The following CDK5RAP2 variants were observed in gnomAD, a reference collection of about 807,000 sequenced individuals.
CDK5RAP2 encodes the protein CDK5 regulatory subunit associated protein 2.
A neutral mutation model predicts 232.9 loss-of-function variants in CDK5RAP2; 147 were observed. The ratio of observed to expected loss-of-function variants is 0.63; its 90% CI spans 0.55 to 0.72. The LOEUF (loss-of-function observed/expected upper bound fraction) is 0.72. Ranked by LOEUF, CDK5RAP2 falls within the 30% of genes least tolerant of loss-of-function variation. The pLI, the probability that CDK5RAP2 is intolerant of heterozygous loss-of-function variation, is 0.00. For synonymous variants in CDK5RAP2, 833 were observed against 833.7 expected (o/e 1.00, Z 0.01); for missense variants, 2,195 against 2,231.5 (o/e 0.98, Z 0.33).
At chr9:120,422,877 A>C in intron 25 of CDK5RAP2, 136 bp from the exon 26 acceptor site, 1 of 712,472 alleles carries the variant, frequency 1.4e-6, no homozygotes, top group Middle Eastern at 2.8e-4. Context: ...GGATATTTAA[A>C]GTAGGATTAC....
At chr9:120,531,164 T>C (rs1706291234) in intron 7 of CDK5RAP2, among the ~76,000 whole-genome samples, 1 of 152,066 alleles carries the variant, frequency 6.6e-6, no homozygotes, top group African/African-American at 2.4e-5. Flanking sequence ...CTCCACTCAG[T>C]AGCCTCACTT....
At chr9:120,406,677 G>A in intron 32 of CDK5RAP2, 1 of 326,296 alleles carries the variant, frequency 3.1e-6, no homozygotes, top group Non-Finnish European at 5.7e-6. Flanking sequence ...CCCTTCTAAA[G>A]GCAGTAAGAG....
chr9:120,527,747 G>A, intron 10 of CDK5RAP2, 59 bp downstream of exon 10: 2 of 1,595,648 alleles, frequency 1.3e-6, no homozygotes, highest in East Asian at 2.2e-5. Flanking sequence ...TTCAGGGTAG[G>A]ACAGGCCAGT....
In CDK5RAP2 at chr9:120,394,593, A is replaced by G. The variant is rs1412909293; in HGVS notation, c.5497T>C (p.Phe1833Leu). Residue 1833 changes from phenylalanine to leucine, a missense_variant, in exon 36 of 38, where the codon TTT (phenylalanine) becomes CTT (leucine). By Grantham distance (22) the Phe-to-Leu change is conservative. Coordinates refer to ENST00000349780, the MANE Select transcript of CDK5RAP2 (RefSeq NM_018249.6). The part of the protein sequence containing the change: ...AEVTKLHKKL[F>L]EQEKKLQNTM... ...TTTTGCAACTTCTTTTCTTGTTCAA[A>G]CAATTTTTTATGTAGTTTGGTGACC... The G allele has an allele frequency of 6.2e-7, 1 of 1,614,184 alleles. No individual in the cohort carries two copies. The highest frequency in any genetic ancestry group is 1.1e-5 in the South Asian group (1 of 91,090).
rs904112256 is a variant in CDK5RAP2, at chr9:120,453,810, T to G, written c.2439A>C (p.Glu813Asp). 1.2e-6 allele frequency: 2 copies of G among 1,614,242 alleles called. No homozygotes were observed. The highest frequency in any genetic ancestry group is 1.7e-6 in the Non-Finnish European group (2 of 1,180,038). Residue 813 changes from glutamate (E) to aspartate (D), a missense_variant, in exon 21 of 38, where the codon GAA becomes GAC. Coordinates refer to ENST00000349780, the MANE Select transcript of CDK5RAP2 (RefSeq NM_018249.6). ...TACCATCAAGGTGTTCTCCAGAAAC[T>G]TCCTGCTCTGTCAAGAATAGTTGTC... Reference protein sequence around the residue: ...LLGQLFLTEQEVSGEHLDGKT... With the variant: ...LLGQLFLTEQDVSGEHLDGKT...
At chr9:120,564,495 A>G (rs1055072006) in intron 3 of CDK5RAP2, among the ~76,000 whole-genome samples, 1 of 149,016 alleles carries the variant, frequency 6.7e-6, no homozygotes, top group Admixed American at 6.7e-5. Flanking sequence ...GTCTCAAAAA[A>G]ATAAAAAAAT....
intron 3 of CDK5RAP2, among the ~76,000 whole-genome samples, chr9:120,560,804 AC>A (rs1194078553): frequency 6.6e-6 from 1 of 151,712 alleles, no homozygotes; most frequent in Non-Finnish European, 1.5e-5. Flanking sequence ...TTTAGTAGAG[AC>A]GGGGTTTCAC....
chr9:120,441,830 T>C (rs912521256), intron 23 of CDK5RAP2, among the ~76,000 whole-genome samples: 2 of 152,212 alleles, frequency 1.3e-5, no homozygotes, highest in African/African-American at 2.4e-5. Flanking sequence ...AATTACTCAA[T>C]AAGAGCCTTG....
intron 5 of CDK5RAP2, among the ~76,000 whole-genome samples, chr9:120,539,908 C>T (rs1189198877): frequency 6.6e-6 from 1 of 152,198 alleles, no homozygotes; most frequent in African/African-American, 2.4e-5. Context: ...GACAAACCAA[C>T]GTGCAAAGGA....
In CDK5RAP2 at chr9:120,403,176, G is replaced by T; in HGVS notation, c.5042-105C>A. ...TAGGAGGGCTAGAAGAGGCCCTCGT[G>T]CCCAAATGCCACCCAACACAAGCCC... On this transcript the variant is annotated intron_variant, in intron 33 of 37. Coordinates refer to ENST00000349780, the MANE Select transcript of CDK5RAP2 (RefSeq NM_018249.6). This position sits in a 1 kb window ranked among gnomAD's most constrained non-coding sequence, Gnocchi z 4.2. 2 of 1,155,588 alleles carry T rather than the reference G, an allele frequency of 1.7e-6. No homozygotes were observed. Among genetic ancestry groups the T allele is most frequent in the Non-Finnish European group, 2.6e-6 (2 of 783,966 alleles). The allele number at this position is 1,155,588 out of a possible 1,614,324, so 71.6% of individuals were successfully genotyped here. A position where few individuals can be genotyped will look rare whatever the true frequency, so the allele number is the denominator to read the frequency against.
chr9:120,554,017 T>A (rs888611597), intron 3 of CDK5RAP2, among the ~76,000 whole-genome samples: 2 of 152,206 alleles, frequency 1.3e-5, no homozygotes, highest in South Asian at 2.1e-4. Flanking sequence ...TTAAGTAAAT[T>A]ATAGTATGTT....
At chr9:120,455,113 G>A (rs1346952767) in intron 20 of CDK5RAP2, among the ~76,000 whole-genome samples, 2 of 152,148 alleles carry the variant, frequency 1.3e-5, no homozygotes, top group Non-Finnish European at 1.5e-5. Context: ...TGTCCCAGGA[G>A]GACATGGACT....
intron 7 of CDK5RAP2, among the ~76,000 whole-genome samples, chr9:120,530,524 A>G (rs1426387641): frequency 6.6e-6 from 1 of 152,208 alleles, no homozygotes; most frequent in Non-Finnish European, 1.5e-5. Flanking sequence ...AGCTGTTCCG[A>G]TAAGTGTGGA....
Position 120,408,417 on chromosome 9 carries a change from CT to C in CDK5RAP2, c.4655del (p.Lys1552SerfsTer10), listed in dbSNP as rs1241175079. The C allele has an allele frequency of 1.2e-6, 2 of 1,614,092 alleles. No homozygotes were observed. The highest frequency in any genetic ancestry group is 1.7e-6 in the Non-Finnish European group (2 of 1,180,032). ...GCTCCACTCGGAGAGACTGCAATAG[CT>C]TGTCATTCTGTGAGAGCAGCTGCTG... Reference protein sequence around the residue: ...LRQQLLSQNDKLLQSLRVELK... With the variant: ...LRQQLLSQNDXLLQSLRVELK... On this transcript the variant is annotated frameshift_variant, in exon 31 of 38. Transcript: ENST00000349780. LOFTEE classifies it high-confidence loss of function.
chr9:120,440,274 A>C, intron 23 of CDK5RAP2: 1 of 418,182 alleles, frequency 2.4e-6, no homozygotes, highest in Non-Finnish European at 4.5e-6. Context: ...AAATTCATCG[A>C]CATTCCCAGT....
intron 5 of CDK5RAP2, among the ~76,000 whole-genome samples, chr9:120,542,842 T>C (rs910969292): frequency 1.3e-5 from 2 of 152,162 alleles, no homozygotes; most frequent in African/African-American, 4.8e-5. Flanking sequence ...GTATTATCAT[T>C]CTGTACCAGC....
chr9:120,512,452 T>C (rs934765936), intron 12 of CDK5RAP2, among the ~76,000 whole-genome samples: 1 of 152,252 alleles, frequency 6.6e-6, no homozygotes, highest in Non-Finnish European at 1.5e-5. Context: ...TTTAATCTTA[T>C]GACTTTCTAT....
chr9:120,567,073 A>T (rs911206371), intron 3 of CDK5RAP2, among the ~76,000 whole-genome samples: 1 of 152,246 alleles, frequency 6.6e-6, no homozygotes, highest in Non-Finnish European at 1.5e-5. Context: ...AGAGCTCAAT[A>T]AACAGTAGCT....
At chr9:120,553,935 T>C (rs992840597) in intron 3 of CDK5RAP2, among the ~76,000 whole-genome samples, 2 of 152,140 alleles carry the variant, frequency 1.3e-5, no homozygotes, top group Non-Finnish European at 2.9e-5. Flanking sequence ...CCTCATTTTT[T>C]AAAGTTTTTA....
Sources: allele counts gnomAD v4.1 joint callset (sites outside exome capture counted in the v4.1 genomes callset), GRCh38; gene constraint gnomAD v4.1.1; non-coding constraint Gnocchi (gnomAD v3.1); transcripts MANE v1.5; gene names NCBI Gene and HGNC (gene_info 2026-07-23, HGNC 2026-07-21).